DPP10: variants seen among roughly 807,000 people sequenced by gnomAD.
DPP10 encodes the protein dipeptidyl peptidase like 10.
Under a neutral mutation model 120.9 loss-of-function variants are expected in DPP10, and 33 were observed. That is an observed-to-expected ratio of 0.27 (90% confidence interval 0.21 to 0.37). DPP10 has a LOEUF of 0.37. Among genes scored for constraint, DPP10 ranks in the 10% least tolerant of loss-of-function variants. The pLI is 1.00. For missense variants in DPP10, 816 were observed against 942.8 expected, an observed-to-expected ratio of 0.87 and a Z score of 1.76; for synonymous variants, 337 against 326.1, an observed-to-expected ratio of 1.03 and a Z score of -0.36.
intron 1 of DPP10, among the ~76,000 whole-genome samples, chr2:115,305,091 A>G (rs2061307780): frequency 6.6e-6 from 1 of 152,070 alleles, no homozygotes; most frequent in African/African-American, 2.4e-5. Context: ...CGGGGGGCTC[A>G]TTTACAAAAG....
At chr2:114,552,211 G>A (rs1299906295) in intron 1 of DPP10, among the ~76,000 whole-genome samples, 1 of 152,226 alleles carries the variant, frequency 6.6e-6, no homozygotes, top group Non-Finnish European at 1.5e-5. Context: ...GTGCAGTAGG[G>A]CAGCGATGCG....
chr2:115,536,531 A>G (rs1420562950), intron 5 of DPP10, among the ~76,000 whole-genome samples: 2 of 152,028 alleles, frequency 1.3e-5, no homozygotes, highest in Non-Finnish European at 2.9e-5. Flanking sequence ...TTATGGGATT[A>G]TATATTTTTT....
chr2:115,111,467 G>A (rs531019785), intron 1 of DPP10, among the ~76,000 whole-genome samples: 5 of 152,078 alleles, frequency 3.3e-5, no homozygotes, highest in Admixed American at 6.6e-5. Context: ...CATAACAAAG[G>A]CCTCAACTGA....
intron 1 of DPP10, among the ~76,000 whole-genome samples, chr2:115,060,130 C>T (rs1265535642): frequency 5.3e-5 from 8 of 151,236 alleles, no homozygotes; most frequent in Non-Finnish European, 4.4e-5. Flanking sequence ...TAGTGCAGTG[C>T]CAGGCACTTA....
intron 5 of DPP10, among the ~76,000 whole-genome samples, chr2:115,544,921 G>T (rs1422979343): frequency 6.6e-6 from 1 of 152,030 alleles, no homozygotes; most frequent in Non-Finnish European, 1.5e-5. Context: ...TTTATCCTCA[G>T]AAAGTTTTTC....
chr2:114,655,078 A>T (rs1215980718), intron 1 of DPP10, among the ~76,000 whole-genome samples: 2 of 152,210 alleles, frequency 1.3e-5, no homozygotes, highest in Admixed American at 1.3e-4. Flanking sequence ...GGGAACAATT[A>T]TAACTACCTC....
intron 1 of DPP10, among the ~76,000 whole-genome samples, chr2:115,269,628 A>G (rs1559342097): frequency 6.6e-6 from 1 of 152,154 alleles, no homozygotes; most frequent in Non-Finnish European, 1.5e-5. Flanking sequence ...CTTTCTCATG[A>G]CATGGCAACT....
chr2:114,469,896 G>T (rs1679763081), intron 1 of DPP10, among the ~76,000 whole-genome samples: 1 of 152,156 alleles, frequency 6.6e-6, no homozygotes, highest in African/African-American at 2.4e-5. Context: ...ACCTTCTTTA[G>T]AAATAGAGAA....
intron 5 of DPP10, among the ~76,000 whole-genome samples, chr2:115,530,680 A>G (rs76837647): frequency 6.7e-5 from 2 of 29,970 alleles, no homozygotes; most frequent in Non-Finnish European, 3.2e-4. Flanking sequence ...ACTCTGTCTC[A>G]AAAAAAAAAA....
chr2:115,151,361 A>AT (rs1248748798), intron 1 of DPP10, among the ~76,000 whole-genome samples: 1 of 148,414 alleles, frequency 6.7e-6, no homozygotes. Context: ...ACACTATGAG[A>AT]TTTTTCAGTA....
At chr2:115,233,480 A>T (rs2057842155) in intron 1 of DPP10, among the ~76,000 whole-genome samples, 1 of 152,156 alleles carries the variant, frequency 6.6e-6, no homozygotes, top group Admixed American at 6.6e-5. Flanking sequence ...TTCAGAAAAG[A>T]CTTGACTCCA....
chr2:115,473,993 G>A (rs1403992851), intron 3 of DPP10, among the ~76,000 whole-genome samples: 1 of 152,138 alleles, frequency 6.6e-6, no homozygotes, highest in African/African-American at 2.4e-5. Flanking sequence ...ATTAGGATGG[G>A]AGGTTTGGGG....
At chr2:115,627,470 C>CCCAGT (rs1231465543) in intron 5 of DPP10, among the ~76,000 whole-genome samples, 2 of 152,006 alleles carry the variant, frequency 1.3e-5, no homozygotes, top group Non-Finnish European at 2.9e-5. Flanking sequence ...AGGGAAAGGC[C>CCCAGT]CCAGTACTCA....
intron 1 of DPP10, among the ~76,000 whole-genome samples, chr2:114,901,389 G>T (rs1693556608): frequency 6.6e-6 from 1 of 152,032 alleles, no homozygotes; most frequent in Non-Finnish European, 1.5e-5. Context: ...ATAGAGATGG[G>T]GTTTCACCTT....
At chr2:114,494,101 C>CAAAAAAAA (rs58552540) in intron 1 of DPP10, among the ~76,000 whole-genome samples, 63 of 77,152 alleles carry the variant, frequency 8.2e-4, no homozygotes, top group African/African-American at 1.8e-3. Context: ...AGCAATAAGG[C>CAAAAAAAA]AAAAAAAAAA....
At chr2:115,334,056 T>A (rs2062938355) in intron 2 of DPP10, among the ~76,000 whole-genome samples, 1 of 151,698 alleles carries the variant, frequency 6.6e-6, no homozygotes. Flanking sequence ...TGGAACCAAG[T>A]TGGAAAACAC....
chr2:114,563,918 C>T (rs1449172511), intron 1 of DPP10, among the ~76,000 whole-genome samples: 1 of 152,078 alleles, frequency 6.6e-6, no homozygotes, highest in Non-Finnish European at 1.5e-5. Context: ...TTGCATGTTG[C>T]ATTCTTGAAG....
chr2:115,769,617 A>G (rs931158545), intron 13 of DPP10, among the ~76,000 whole-genome samples: 24 of 152,000 alleles, frequency 1.6e-4, no homozygotes, highest in African/African-American at 5.8e-4. Context: ...ACTAATGTAT[A>G]ATGTGATCCT....
At chr2:115,285,840 GAT>G (rs2060339891) in intron 1 of DPP10, among the ~76,000 whole-genome samples, 1 of 151,976 alleles carries the variant, frequency 6.6e-6, no homozygotes, top group Non-Finnish European at 1.5e-5. Context: ...TGCAATTTGT[GAT>G]TAACATATTA....
Sources: allele counts gnomAD v4.1 joint callset (sites outside exome capture counted in the v4.1 genomes callset), GRCh38; gene constraint gnomAD v4.1.1; transcripts MANE v1.5; gene names NCBI Gene and HGNC (gene_info 2026-07-23, HGNC 2026-07-21).